DENND5B: variants seen among roughly 807,000 people sequenced by gnomAD.
DENND5B encodes the protein DENN domain containing 5B.
In DENND5B, 34 loss-of-function variants were observed where a neutral mutation model predicts 140.6. The observed-to-expected ratio is 0.24, with a 90% CI of 0.18 to 0.32. DENND5B has a LOEUF of 0.32. Among genes scored for constraint, DENND5B ranks in the 10% least tolerant of loss-of-function variants. The pLI is 1.00. For synonymous variants in DENND5B, 551 were observed against 562.1 expected (o/e 0.98, Z 0.28); for missense variants, 1,142 against 1,560.2 (o/e 0.73, Z 4.52).
At chr12:31,527,097 A>C (rs562670372) in intron 1 of DENND5B, among the ~76,000 whole-genome samples, 5 of 152,020 alleles carry the variant, frequency 3.3e-5, no homozygotes, top group Non-Finnish European at 7.4e-5. Flanking sequence ...GGTATGAGAG[A>C]GGGTGATATG....
intron 1 of DENND5B, among the ~76,000 whole-genome samples, chr12:31,502,435 G>A (rs567913847): frequency 3.3e-5 from 5 of 152,100 alleles, no homozygotes; most frequent in East Asian, 3.9e-4. Context: ...ATCCCATTTC[G>A]TCAATAATAT....
At chr12:31,450,663 C>G (rs1405262059) in intron 5 of DENND5B, among the ~76,000 whole-genome samples, 3 of 152,102 alleles carry the variant, frequency 2.0e-5, no homozygotes, top group Admixed American at 2.0e-4. Flanking sequence ...CCACTATGTA[C>G]CTTTACGAAA....
chr12:31,550,531 G>C (rs1454428761), intron 1 of DENND5B, among the ~76,000 whole-genome samples: 1 of 151,964 alleles, frequency 6.6e-6, no homozygotes, highest in Non-Finnish European at 1.5e-5. Flanking sequence ...ACATACGTGT[G>C]CATGTGTCTT....
At chr12:31,574,297 T>TAATAATAATAATAATAA (rs1592078386) in intron 1 of DENND5B, among the ~76,000 whole-genome samples, 3 of 147,482 alleles carry the variant, frequency 2.0e-5, no homozygotes, top group South Asian at 4.2e-4. Context: ...ATAATAATAA[T>TAATAATAATAATAATAA]TTAAAAGGGA....
intron 11 of DENND5B, among the ~76,000 whole-genome samples, chr12:31,417,824 AATACAC>A (rs1366578142): frequency 6.6e-6 from 1 of 152,204 alleles, no homozygotes; most frequent in East Asian, 1.9e-4. Context: ...ATACTCAGCA[AATACAC>A]CTATATAAGT....
intron 15 of DENND5B, 122 bp downstream of exon 15, chr12:31,402,376 C>G (rs1311837638): frequency 2.6e-5 from 32 of 1,224,618 alleles, no homozygotes; most frequent in Non-Finnish European, 3.4e-5. Flanking sequence ...CAAAAATGAT[C>G]CTGCACGCTT....
At chr12:31,530,229 T>C (rs1258571969) in intron 1 of DENND5B, among the ~76,000 whole-genome samples, 1 of 151,990 alleles carries the variant, frequency 6.6e-6, no homozygotes, top group African/African-American at 2.4e-5. Context: ...AAAAATTAGC[T>C]GGGCGTGGTG....
chr12:31,499,167 C>T (rs1426963632), intron 1 of DENND5B, among the ~76,000 whole-genome samples: 1 of 151,890 alleles, frequency 6.6e-6, no homozygotes, highest in Non-Finnish European at 1.5e-5. Context: ...AGGAAAATAA[C>T]CAAGTCTAAG....
In DENND5B at chr12:31,404,759, C is replaced by CTTTTTTTTTTTTTTTTTTTTTT. The variant is rs71062425; in HGVS notation, c.2804-2117_2804-2116insAAAAAAAAAAAAAAAAAAAAAA. ...ATAAGCCACCGCGTCCGACCTCTAG[C>CTTTTTTTTTTTTTTTTTTTTTT]TTTTTTTTTTTTTTTTTGAGACAGA... On this transcript the variant is annotated intron_variant, in intron 14 of 20. Transcript: ENST00000389082. Among the ~76,000 whole-genome samples the CTTTTTTTTTTTTTTTTTTTTTT allele has an allele frequency of 4.1e-5, 3 of 74,064 alleles. 1 individual carries two copies. The highest frequency in any genetic ancestry group is 2.4e-5 in the Non-Finnish European group (1 of 41,048). The allele number at this position is 74,064 out of a possible 152,430, so 48.6% of individuals were successfully genotyped here.
At chr12:31,460,827 G>A (rs1446080844) in intron 3 of DENND5B, among the ~76,000 whole-genome samples, 1 of 152,018 alleles carries the variant, frequency 6.6e-6, no homozygotes, top group Non-Finnish European at 1.5e-5. Context: ...TCGGATTCAA[G>A]CGATTCTCCT....
At chr12:31,586,075 G>T (rs1592101467) in intron 1 of DENND5B, among the ~76,000 whole-genome samples, 2 of 152,070 alleles carry the variant, frequency 1.3e-5, no homozygotes, top group Non-Finnish European at 2.9e-5. Flanking sequence ...CTTAATCAAG[G>T]CCTTATCATG....
chr12:31,490,428 A>G (rs1018797848), intron 2 of DENND5B, among the ~76,000 whole-genome samples: 10 of 152,074 alleles, frequency 6.6e-5, no homozygotes, highest in South Asian at 4.1e-4. Context: ...CCTAAGCAAC[A>G]TAGCCAAACC....
chr12:31,516,826 C>A (rs1024157663), intron 1 of DENND5B, among the ~76,000 whole-genome samples: 1 of 152,134 alleles, frequency 6.6e-6, no homozygotes, highest in African/African-American at 2.4e-5. Flanking sequence ...CTAATCCCAG[C>A]ACTTTGGGAG....
intron 5 of DENND5B, among the ~76,000 whole-genome samples, chr12:31,449,732 T>TTTTTTTTG (rs1555149751): frequency 1.7e-4 from 2 of 11,624 alleles, no homozygotes; most frequent in African/African-American, 2.6e-4. Flanking sequence ...CACAGATTAG[T>TTTTTTTTG]TTTTTTTTTT....
intron 2 of DENND5B, among the ~76,000 whole-genome samples, chr12:31,483,049 G>A (rs910022770): frequency 9.9e-5 from 15 of 152,278 alleles, no homozygotes; most frequent in Non-Finnish European, 1.6e-4. Flanking sequence ...CACACCCCGC[G>A]TGCTCCCATC....
At chr12:31,537,694 C>CA (rs1037999932) in intron 1 of DENND5B, among the ~76,000 whole-genome samples, 2 of 151,280 alleles carry the variant, frequency 1.3e-5, no homozygotes, top group Non-Finnish European at 3.0e-5. Flanking sequence ...ATTAAAAAAA[C>CA]AAAAAACAAA....
intron 1 of DENND5B, among the ~76,000 whole-genome samples, chr12:31,568,926 T>C (rs1473371480): frequency 9.9e-5 from 15 of 152,052 alleles, no homozygotes; most frequent in Admixed American, 8.5e-4. Context: ...ATATTCCTCT[T>C]TGTTTTTGAG....
intron 11 of DENND5B, 87 bp from the exon 12 acceptor site, chr12:31,415,535 A>T: frequency 9.0e-7 from 1 of 1,105,064 alleles, no homozygotes; most frequent in South Asian, 1.5e-5. Flanking sequence ...TGCTTCGATA[A>T]GAACAAATTT....
intron 2 of DENND5B, among the ~76,000 whole-genome samples, chr12:31,488,836 C>T (rs1189555365): frequency 6.6e-6 from 1 of 152,046 alleles, no homozygotes; most frequent in East Asian, 1.9e-4. Context: ...TAACAATACC[C>T]CCTCACCATC....
Sources: allele counts gnomAD v4.1 joint callset (sites outside exome capture counted in the v4.1 genomes callset), GRCh38; gene constraint gnomAD v4.1.1; transcripts MANE v1.5; gene names NCBI Gene and HGNC (gene_info 2026-07-23, HGNC 2026-07-21).